ESPN: variants seen among roughly 807,000 people sequenced by gnomAD.
ESPN encodes the protein autosomal recessive deafness type 36 protein.
A neutral mutation model predicts 77.7 loss-of-function variants in ESPN; 68 were observed. The observed-to-expected ratio is 0.87, with a 90% CI of 0.72 to 1.07. ESPN has a LOEUF of 1.07. Ranked by LOEUF, ESPN falls within the 50% of genes least tolerant of loss-of-function variation. The probability of loss-of-function intolerance (pLI) is 0.00; values close to 1 mark genes in which losing one functional copy is unlikely to be tolerated. For synonymous variants in ESPN, 449 were observed against 567.1 expected (o/e 0.79, Z 2.96); for missense variants, 1,060 against 1,239.0 (o/e 0.86, Z 2.17).
rs972727428 is a variant in ESPN at position 6,448,985 on chromosome 1, G to T, written c.1809G>T (p.Pro603=). ...TGCCACCGCCGCCCCCACCGCCGCC[G>T]CCGCCCCTGCCGGAGGCCGCGAGTT... ...RELPPPPPPP[P]PPLPEAASSP... is the part of the protein sequence containing the mutation. The change falls in exon 8 of 13, where the codon CCG becomes CCT. Residue 603 remains proline, a synonymous_variant. Coordinates refer to ENST00000645284, the MANE Select transcript of ESPN (RefSeq NM_031475.3). 2 of 1,438,524 alleles carry T rather than the reference G, an allele frequency of 1.4e-6. No individual in the cohort carries two copies. The highest frequency in any genetic ancestry group is 2.7e-5 in the Admixed American group (1 of 37,136). The allele number at this position is 1,438,524 out of a possible 1,614,324, so 89.1% of individuals were successfully genotyped here. A position where few individuals can be genotyped will look rare whatever the true frequency, so the allele number is the denominator to read the frequency against.
In ESPN at chr1:6,428,173, CA is replaced by C. The variant is rs763566878; in HGVS notation, c.295-52del. 2.2e-5 allele frequency: 35 copies of C among 1,601,324 alleles called. 1 individual carries two copies. In the South Asian group the frequency reaches 2.5e-4, roughly 12 times the overall value. ...GTGGGAGTCTGGGAGTGGCCCAAGC[CA>C]GGGGCGGGGCAGCAACAGGCTTTAG... On this transcript the variant is annotated intron_variant, in intron 1 of 12. Transcript: ENST00000645284. The surrounding 1 kb of genome is among the most constrained non-coding windows in gnomAD (Gnocchi z 5.4).
intron 10 of ESPN, chr1:6,454,754 G>A: frequency 7.5e-6 from 3 of 398,216 alleles, no homozygotes; most frequent in Non-Finnish European, 1.3e-5. Context: ...CGTTGCTCAA[G>A]AACATGGCCA....
chr1:6,460,934 C>T lies in ESPN; in HGVS notation c.*788C>T. 2.8e-6 allele frequency: 1 copy of T among 363,610 alleles called. No individual in the cohort carries two copies. Among genetic ancestry groups the T allele is most frequent in the Non-Finnish European group, 5.6e-6 (1 of 178,574 alleles). 22.5% of individuals were successfully genotyped at this position (363,610 alleles called of 1,614,324 possible). A position where few individuals can be genotyped will look rare whatever the true frequency, so the allele number is the denominator to read the frequency against. Reference sequence around the variant, plus strand: ...CATTAAAGCGCTCTCATCTGGGCTCCGGTTCACTCACTCGCTGTGGCCGCG... The same window carrying T: ...CATTAAAGCGCTCTCATCTGGGCTCTGGTTCACTCACTCGCTGTGGCCGCG... On this transcript the variant is annotated 3_prime_UTR_variant, in exon 13 of 13. Coordinates refer to ENST00000645284, the MANE Select transcript of ESPN (RefSeq NM_031475.3).
chr1:6,432,479 G>C (rs1226089606), intron 2 of ESPN, among the ~76,000 whole-genome samples: 2 of 152,220 alleles, frequency 1.3e-5, no homozygotes, highest in Non-Finnish European at 2.9e-5. Flanking sequence ...GCCTGGTGGA[G>C]TCCGGAGCAG....
intron 2 of ESPN, among the ~76,000 whole-genome samples, chr1:6,430,386 G>A (rs1242359319): frequency 6.6e-6 from 1 of 152,230 alleles, no homozygotes. Context: ...GGAGCTGGAA[G>A]GCTGGACAGC....
intron 10 of ESPN, chr1:6,454,647 A>G (rs1569742920): frequency 5.0e-6 from 2 of 398,858 alleles, no homozygotes; most frequent in East Asian, 7.1e-5. Context: ...GCTGCTGCCC[A>G]TCTCGGCCGC....
Position 6,448,976 on chromosome 1 carries a change from ACCGCCGCCGCCG to A in ESPN, c.1803_1814del (p.Pro602_Pro605del), listed in dbSNP as rs761087054. On this transcript the variant is annotated inframe_deletion, in exon 8 of 13. Transcript: ENST00000645284. ...CCAGGGAGCTGCCACCGCCGCCCCC[ACCGCCGCCGCCG>A]CCCCTGCCGGAGGCCGCGAGTTCGC... 3 of 1,419,468 alleles carry A rather than the reference ACCGCCGCCGCCG, an allele frequency of 2.1e-6. No homozygotes were observed. The East Asian group carries it at 9.2e-5, about 44-fold the overall frequency. The allele number at this position is 1,419,468 out of a possible 1,614,324, so 87.9% of individuals were successfully genotyped here. A position where few individuals can be genotyped will look rare whatever the true frequency, so the allele number is the denominator to read the frequency against.
chr1:6,455,579 C>A, intron 10 of ESPN: 1 of 399,112 alleles, frequency 2.5e-6, no homozygotes, highest in Non-Finnish European at 4.4e-6. Context: ...TGTATTGGCC[C>A]CAGCACTTCC....
rs1353992774 is a variant in ESPN at position 6,451,563 on chromosome 1, C to T, written c.1916-40C>T. On this transcript the variant is annotated intron_variant, in intron 8 of 12. Transcript: ENST00000645284. The surrounding 1 kb of genome is among the most constrained non-coding windows in gnomAD (Gnocchi z 4.3). Reference sequence around the variant, plus strand: ...CGGGTGAGGGGTGGCGGGGATGCAGCCCCACCCTGGCCAGTGCCTCATCTC... The same window carrying T: ...CGGGTGAGGGGTGGCGGGGATGCAGTCCCACCCTGGCCAGTGCCTCATCTC... The T allele has an allele frequency of 6.2e-7, 1 of 1,602,886 alleles. No homozygotes were observed. Among genetic ancestry groups the T allele is most frequent in the Non-Finnish European group, 8.5e-7 (1 of 1,174,730 alleles).
intron 2 of ESPN, among the ~76,000 whole-genome samples, chr1:6,439,068 C>A (rs113166335): frequency 2.6e-5 from 4 of 152,072 alleles, no homozygotes; most frequent in African/African-American, 9.7e-5. Flanking sequence ...GCTGAGATTG[C>A]GCCATTGCAT....
Position 6,424,841 on chromosome 1 carries a change from C to G in ESPN, c.-115C>G, listed in dbSNP as rs962124274. ...GGCCAGGCCCACAGCCGCTCCGCCTCCCGGCCCGCAGATCCCCGACGGCCG... is the reference window on the plus strand; with the variant it reads ...GGCCAGGCCCACAGCCGCTCCGCCTGCCGGCCCGCAGATCCCCGACGGCCG... On this transcript the variant is annotated 5_prime_UTR_variant, in exon 1 of 13. Transcript: ENST00000645284. 4.3e-5 allele frequency: 47 copies of G among 1,097,332 alleles called. No homozygotes were observed. The East Asian group carries it at 1.5e-3, about 34-fold the overall frequency. The allele number at this position is 1,097,332 out of a possible 1,614,324, so 68.0% of individuals were successfully genotyped here.
chr1:6,448,757 C>G lies in ESPN; in HGVS notation c.1581C>G (p.Pro527=). The change falls in exon 8 of 13, where the codon CCC becomes CCG. Residue 527 remains proline, a synonymous_variant. Coordinates refer to ENST00000645284, the MANE Select transcript of ESPN (RefSeq NM_031475.3). Reference sequence around the variant, plus strand: ...ACTACCGGCAGCTGGGCCGCTGCCCCGGCGAGACGCTGGCCGCACGCCCGG... The same window carrying G: ...ACTACCGGCAGCTGGGCCGCTGCCCGGGCGAGACGCTGGCCGCACGCCCGG... The part of the protein sequence containing the change: ...GDYYRQLGRC[P]GETLAARPGM... 1 of 1,457,406 alleles carries G rather than the reference C, an allele frequency of 6.9e-7. No individual in the cohort carries two copies. The highest frequency in any genetic ancestry group is 3.0e-5 in the East Asian group (1 of 33,238). 90.3% of individuals were successfully genotyped at this position (1,457,406 alleles called of 1,614,324 possible).
At position 6,444,610 on chromosome 1, in the gene ESPN, A is replaced by G. The variant is rs368279968; in HGVS notation, c.1120A>G (p.Thr374Ala). Reference protein sequence around the residue: ...QPLNFDLSSPTSTLSNYDSCS... With the variant: ...QPLNFDLSSPASTLSNYDSCS... Reference sequence around the variant, plus strand: ...GCTGAACTTTGACCTCAGCTCGCCTACCAGCACCCTCTCCAACTACGACTC... The same window carrying G: ...GCTGAACTTTGACCTCAGCTCGCCTGCCAGCACCCTCTCCAACTACGACTC... The change falls in exon 6 of 13, where the codon ACC becomes GCC. Residue 374 changes from threonine (T) to alanine (A), a missense_variant. Transcript: ENST00000645284. 8 of 1,614,048 alleles carry G rather than the reference A, an allele frequency of 5.0e-6. No homozygotes were observed. The highest frequency in any genetic ancestry group is 2.2e-5 in the East Asian group (1 of 44,890).
At position 6,437,093 on chromosome 1, in the gene ESPN, A is replaced by T. The variant is rs1340467573; in HGVS notation, c.489-3161A>T. ...GTGTGAGTGCAGATGGTGGAATACTAACGAGAATGGTGATGAGCTCCAGCA... is the reference window on the plus strand; with the variant it reads ...GTGTGAGTGCAGATGGTGGAATACTTACGAGAATGGTGATGAGCTCCAGCA... On this transcript the variant is annotated intron_variant, in intron 2 of 12. Transcript: ENST00000645284. This position sits in a 1 kb window ranked among gnomAD's most constrained non-coding sequence, Gnocchi z 4.5. Among the ~76,000 whole-genome samples, 15 of 152,180 alleles carry T rather than the reference A, an allele frequency of 9.9e-5. No homozygotes were observed. The highest frequency in any genetic ancestry group is 5.9e-5 in the Non-Finnish European group (4 of 68,020).
Position 6,450,559 on chromosome 1 carries a change from C to G in ESPN, c.1916-1044C>G. 1.4e-6 allele frequency: 1 copy of G among 707,212 alleles called. No homozygotes were observed. The allele number at this position is 707,212 out of a possible 1,614,324, so 43.8% of individuals were successfully genotyped here. On this transcript the variant is annotated intron_variant, in intron 8 of 12. Coordinates refer to ENST00000645284, the MANE Select transcript of ESPN (RefSeq NM_031475.3). This position sits in a 1 kb window ranked among gnomAD's most constrained non-coding sequence, Gnocchi z 4.3. The stretch of plus-strand genomic sequence containing the variant: ...AAAAGCAAGGCAGAAGGGGCCCAGA[C>G]TTGAGGAAAGGGCAGGGGCAGGGGC...
chr1:6,436,650 G>A (rs913411135), intron 2 of ESPN, among the ~76,000 whole-genome samples: 4 of 152,030 alleles, frequency 2.6e-5, no homozygotes, highest in African/African-American at 9.7e-5. Flanking sequence ...GACTACAGGT[G>A]TGCACCAACA....
chr1:6,439,635 A>T (rs923501729), intron 2 of ESPN, among the ~76,000 whole-genome samples: 4 of 152,176 alleles, frequency 2.6e-5, no homozygotes, highest in Non-Finnish European at 5.9e-5. Flanking sequence ...TAGAGGTCAG[A>T]CACAGCAGGT....
Position 6,440,640 on chromosome 1 carries a change from C to A in ESPN, c.690C>A (p.Asp230Glu), listed in dbSNP as rs1447400286. ...PVIVWLVSCT[D>E]VSLSEQDKDG... is the part of the protein sequence containing the mutation. ...GTCCCGCCCAGGTGAGCTGCACCGACGTGAGCCTGTCCGAGCAGGACAAAG... is the reference window on the plus strand; with the variant it reads ...GTCCCGCCCAGGTGAGCTGCACCGAAGTGAGCCTGTCCGAGCAGGACAAAG... The change falls in exon 4 of 13, where the codon GAC becomes GAA. Residue 230 changes from aspartate to glutamate, a missense_variant. Coordinates refer to ENST00000645284, the MANE Select transcript of ESPN (RefSeq NM_031475.3). The A allele has an allele frequency of 5.9e-6, 9 of 1,519,860 alleles. No individual in the cohort carries two copies. The highest frequency in any genetic ancestry group is 2.0e-5 in the Admixed American group (1 of 50,180). The allele number at this position is 1,519,860 out of a possible 1,614,324, so 94.1% of individuals were successfully genotyped here.
intron 2 of ESPN, among the ~76,000 whole-genome samples, chr1:6,440,053 G>A (rs561116542): frequency 1.3e-5 from 2 of 151,698 alleles, no homozygotes; most frequent in African/African-American, 4.8e-5. Context: ...TGGGTGGGAC[G>A]CCCTCAGGGA....
Sources: allele counts gnomAD v4.1 joint callset (sites outside exome capture counted in the v4.1 genomes callset), GRCh38; gene constraint gnomAD v4.1.1; non-coding constraint Gnocchi (gnomAD v3.1); transcripts MANE v1.5; gene names NCBI Gene and HGNC (gene_info 2026-07-23, HGNC 2026-07-21).